Variants in NXPH1 observed in about 807,000 individuals in gnomAD.
NXPH1 encodes neurexophilin-1.
NXPH1 carries 5 observed loss-of-function variants against 23.7 expected under a neutral mutation model. The observed-to-expected ratio is 0.21, with a 90% CI of 0.11 to 0.44. The LOEUF is 0.44. Among genes scored for constraint, NXPH1 ranks in the 20% least tolerant of loss-of-function variants. The probability of loss-of-function intolerance (pLI) is 0.99; values close to 1 mark genes in which losing one functional copy is unlikely to be tolerated. For synonymous variants in NXPH1, 144 were observed against 122.2 expected (o/e 1.18, Z -1.18); for missense variants, 324 against 321.6 (o/e 1.01, Z -0.06).
intron 2 of NXPH1, among the ~76,000 whole-genome samples, chr7:8,583,066 G>C (rs116475707): frequency 2.0e-5 from 3 of 152,024 alleles, no homozygotes; most frequent in South Asian, 2.1e-4. Context: ...ACACTTGGCC[G>C]GGTTGTGACA....
intron 2 of NXPH1, among the ~76,000 whole-genome samples, chr7:8,613,869 C>T (rs1819673354): frequency 6.6e-6 from 1 of 151,756 alleles, no homozygotes; most frequent in African/African-American, 2.4e-5. Flanking sequence ...CATACACACA[C>T]ATATACATAT....
chr7:8,558,305 A>G (rs1475396662), intron 2 of NXPH1, among the ~76,000 whole-genome samples: 1 of 151,150 alleles, frequency 6.6e-6, no homozygotes, highest in African/African-American at 2.4e-5. Context: ...GGAGGTGGGA[A>G]CTCCTGTGCA....
At chr7:8,526,790 C>G (rs936009827) in intron 2 of NXPH1, among the ~76,000 whole-genome samples, 4 of 152,174 alleles carry the variant, frequency 2.6e-5, no homozygotes, top group Admixed American at 6.5e-5. Context: ...ATGTGGAACT[C>G]TAAGTCCAAT....
At chr7:8,510,531 C>T (rs1352074536) in intron 2 of NXPH1, among the ~76,000 whole-genome samples, 3 of 151,812 alleles carry the variant, frequency 2.0e-5, no homozygotes, top group Non-Finnish European at 4.4e-5. Context: ...TATAGGGCCA[C>T]AGGGGAAAGT....
chr7:8,461,846 A>AAAAAAAAAAAAAAAAAG, intron 2 of NXPH1, among the ~76,000 whole-genome samples: 1 of 150,094 alleles, frequency 6.7e-6, no homozygotes, highest in African/African-American at 2.5e-5. Flanking sequence ...CAAAAAAAAA[A>AAAAAAAAAAAAAAAAAG]AAAAAGAATA....
At chr7:8,464,937 T>C (rs1329283966) in intron 2 of NXPH1, among the ~76,000 whole-genome samples, 1 of 152,204 alleles carries the variant, frequency 6.6e-6, no homozygotes, top group Non-Finnish European at 1.5e-5. Context: ...GGACTTTTGA[T>C]GTTTTTTTGA....
At position 8,463,321 on chromosome 7, in the gene NXPH1, A is replaced by AT. The variant is rs151327571; in HGVS notation, c.54+27562dup. Among the ~76,000 whole-genome samples, 930 of 150,032 alleles carry AT rather than the reference A, an allele frequency of 6.2e-3. 8 individuals are homozygous for AT. Among genetic ancestry groups the AT allele is most frequent in the African/African-American group, 0.02 (822 of 40,814 alleles). On this transcript the variant is annotated intron_variant, in intron 2 of 2. Coordinates refer to ENST00000405863, the MANE Select transcript of NXPH1 (RefSeq NM_152745.3). ...TTTTTTTTTTTCATGGCCACATAGT[A>AT]TTTTTTTTATCATGAACTGTAATTT...
intron 2 of NXPH1, among the ~76,000 whole-genome samples, chr7:8,619,193 G>T (rs148173330): frequency 6.6e-6 from 1 of 151,960 alleles, no homozygotes; most frequent in East Asian, 1.9e-4. Flanking sequence ...TTGAGGTGGC[G>T]TGCATTTTGA....
chr7:8,683,101 G>C (rs1319832545), intron 2 of NXPH1, among the ~76,000 whole-genome samples: 3 of 152,200 alleles, frequency 2.0e-5, no homozygotes, highest in Non-Finnish European at 2.9e-5. Flanking sequence ...CATCTGCTTG[G>C]CTTCTGGTGA....
At chr7:8,607,589 C>T (rs1455857820) in intron 2 of NXPH1, among the ~76,000 whole-genome samples, 1 of 152,100 alleles carries the variant, frequency 6.6e-6, no homozygotes, top group Non-Finnish European at 1.5e-5. Flanking sequence ...AACTTTGACT[C>T]TTTTCTTTCT....
chr7:8,645,555 C>A (rs1244726597), intron 2 of NXPH1, among the ~76,000 whole-genome samples: 2 of 151,780 alleles, frequency 1.3e-5, no homozygotes, highest in African/African-American at 4.8e-5. Context: ...TAGGTATCAA[C>A]CCTTTTTTGA....
At chr7:8,666,459 A>G (rs1820768669) in intron 2 of NXPH1, among the ~76,000 whole-genome samples, 1 of 151,938 alleles carries the variant, frequency 6.6e-6, no homozygotes, top group African/African-American at 2.4e-5. Context: ...GAGTTTTCAT[A>G]TTTATGTTCC....
At chr7:8,486,253 G>A (rs1246434191) in intron 2 of NXPH1, among the ~76,000 whole-genome samples, 4 of 152,196 alleles carry the variant, frequency 2.6e-5, no homozygotes, top group Admixed American at 6.6e-5. Context: ...CTCTCCTGAT[G>A]TAGGAAGACC....
intron 2 of NXPH1, among the ~76,000 whole-genome samples, chr7:8,443,523 GC>G (rs985593481): frequency 2.0e-5 from 3 of 152,276 alleles, no homozygotes; most frequent in African/African-American, 7.2e-5. Context: ...CACGGCTGGA[GC>G]CACCCAGGCG....
chr7:8,532,119 C>A (rs1817957329), intron 2 of NXPH1, among the ~76,000 whole-genome samples: 1 of 152,158 alleles, frequency 6.6e-6, no homozygotes, highest in Non-Finnish European at 1.5e-5. Flanking sequence ...ATGAACTTTA[C>A]AACCCGCTTT....
At chr7:8,652,080 T>C (rs10280390) in intron 2 of NXPH1, among the ~76,000 whole-genome samples, 107,531 of 151,956 alleles carry the variant, frequency 0.71, 38,789 homozygotes, top group East Asian at 1. Flanking sequence ...TTTCACCAAT[T>C]TACGAAGGAC....
intron 2 of NXPH1, among the ~76,000 whole-genome samples, chr7:8,459,614 G>A (rs903109717): frequency 6.6e-6 from 1 of 152,126 alleles, no homozygotes; most frequent in Non-Finnish European, 1.5e-5. Context: ...CCCTACTAAT[G>A]ACTTCAGCTT....
intron 2 of NXPH1, among the ~76,000 whole-genome samples, chr7:8,632,335 C>A (rs145980306): frequency 6.6e-6 from 1 of 152,054 alleles, no homozygotes; most frequent in Non-Finnish European, 1.5e-5. Flanking sequence ...ATATTTTATA[C>A]GTTGATTGCA....
At chr7:8,626,436 T>A (rs898588191) in intron 2 of NXPH1, among the ~76,000 whole-genome samples, 1 of 151,834 alleles carries the variant, frequency 6.6e-6, no homozygotes, top group Non-Finnish European at 1.5e-5. Context: ...CAGATCTAAC[T>A]TTCTGCTGAG....
Sources: allele counts gnomAD v4.1 joint callset (sites outside exome capture counted in the v4.1 genomes callset), GRCh38; gene constraint gnomAD v4.1.1; transcripts MANE v1.5; gene names NCBI Gene and HGNC (gene_info 2026-07-23, HGNC 2026-07-21).